Variants in CLNK observed in about 807,000 individuals in gnomAD.
CLNK encodes the protein cytokine dependent hematopoietic cell linker, also known as cytokine-dependent hematopoietic cell linker.
Under a neutral mutation model 68.6 loss-of-function variants are expected in CLNK, and 74 were observed. That is an observed-to-expected ratio of 1.08 (90% CI 0.89 to 1.31). The LOEUF is 1.31. CLNK is among the 50% of genes most tolerant of loss of function. The pLI is 0.00. For synonymous variants in CLNK, 198 were observed against 172.2 expected (o/e 1.15, Z -1.17); for missense variants, 553 against 515.3 (o/e 1.07, Z -0.71).
intron 16 of CLNK, among the ~76,000 whole-genome samples, chr4:10,508,987 G>T (rs984473325): frequency 2.0e-5 from 3 of 151,460 alleles, no homozygotes; most frequent in African/African-American, 7.3e-5. Flanking sequence ...TGTGCCTATA[G>T]TCCTAGCTAC....
At chr4:10,638,750 A>T (rs1288644473) in intron 2 of CLNK, among the ~76,000 whole-genome samples, 1 of 152,202 alleles carries the variant, frequency 6.6e-6, no homozygotes, top group South Asian at 2.1e-4. Context: ...AGAGAACCAC[A>T]GACTGGGTGG....
chr4:10,723,483 A>G, the CLNK span, among the ~76,000 whole-genome samples: 8 of 152,196 alleles, frequency 5.3e-5, no homozygotes, highest in Admixed American at 3.3e-4. Context: ...ATGGATATGA[A>G]TAGGCTCTTG....
At chr4:10,595,755 G>A (rs1006530410) in intron 3 of CLNK, among the ~76,000 whole-genome samples, 6 of 152,104 alleles carry the variant, frequency 3.9e-5, no homozygotes, top group Admixed American at 3.9e-4. Flanking sequence ...TGAGCCTCTA[G>A]GGAAGTTATT....
chr4:10,661,209 T>C (rs1401434466), intron 2 of CLNK, among the ~76,000 whole-genome samples: 1 of 151,744 alleles, frequency 6.6e-6, no homozygotes, highest in Non-Finnish European at 1.5e-5. Context: ...TTACATGGAG[T>C]TTTATCATTC....
intron 10 of CLNK, among the ~76,000 whole-genome samples, chr4:10,541,595 T>C (rs957849909): frequency 7.4e-6 from 1 of 134,350 alleles, no homozygotes; most frequent in Non-Finnish European, 1.8e-5. Flanking sequence ...GTCATATATA[T>C]ATGTATATAT....
At chr4:10,527,305 C>T (rs1200083972) in intron 13 of CLNK, among the ~76,000 whole-genome samples, 3 of 152,154 alleles carry the variant, frequency 2.0e-5, no homozygotes, top group Non-Finnish European at 4.4e-5. Context: ...CATCAGGGAC[C>T]CATGGGGAAT....
chr4:10,544,739 T>C (rs1031799988), intron 8 of CLNK, among the ~76,000 whole-genome samples: 1 of 152,146 alleles, frequency 6.6e-6, no homozygotes, highest in Non-Finnish European at 1.5e-5. Flanking sequence ...ACAGAATACT[T>C]GAAATTAGGT....
chr4:10,719,684 G>T, the CLNK span, among the ~76,000 whole-genome samples: 1 of 152,076 alleles, frequency 6.6e-6, no homozygotes, highest in Non-Finnish European at 1.5e-5. Flanking sequence ...ACTATCAAGG[G>T]TATAGAAGAA....
At chr4:10,538,216 G>C (rs1718874558) in intron 11 of CLNK, among the ~76,000 whole-genome samples, 3 of 152,104 alleles carry the variant, frequency 2.0e-5, no homozygotes, top group Non-Finnish European at 4.4e-5. Flanking sequence ...TGCAACCCTT[G>C]CCTCCTAGGT....
chr4:10,503,061 C>A (rs548469493), intron 17 of CLNK, among the ~76,000 whole-genome samples: 3 of 152,284 alleles, frequency 2.0e-5, no homozygotes, highest in African/African-American at 7.2e-5. Flanking sequence ...GTGAACACAT[C>A]TACCAGGCTT....
intron 2 of CLNK, among the ~76,000 whole-genome samples, chr4:10,633,823 A>G (rs1049072771): frequency 2.6e-5 from 4 of 152,210 alleles, no homozygotes; most frequent in Admixed American, 1.3e-4. Context: ...TTCACATACA[A>G]TATTTCATTT....
intron 5 of CLNK, among the ~76,000 whole-genome samples, chr4:10,569,188 CTT>C (rs57423330): frequency 1.0e-4 from 13 of 124,340 alleles, no homozygotes; most frequent in East Asian, 2.3e-4. Flanking sequence ...CAAGACTGCC[CTT>C]TTTTTTTTTT....
chr4:10,676,085 G>T (rs1352801260), intron 1 of CLNK, among the ~76,000 whole-genome samples: 1 of 148,226 alleles, frequency 6.7e-6, no homozygotes, highest in East Asian at 1.9e-4. Context: ...GTGTCTATGT[G>T]TGTGTGTGTT....
intron 2 of CLNK, among the ~76,000 whole-genome samples, chr4:10,620,411 C>G (rs1357806671): frequency 6.6e-6 from 1 of 152,210 alleles, no homozygotes; most frequent in Non-Finnish European, 1.5e-5. Flanking sequence ...CTCACTCAGG[C>G]ACTGACTTAA....
At chr4:10,591,214 A>G (rs547313784) in intron 3 of CLNK, among the ~76,000 whole-genome samples, 5 of 152,322 alleles carry the variant, frequency 3.3e-5, no homozygotes, top group African/African-American at 1.2e-4. Context: ...GTAACGTAGG[A>G]ACACACAGCA....
chr4:10,537,638 TC>T (rs1718823326), intron 11 of CLNK, among the ~76,000 whole-genome samples: 1 of 57,532 alleles, frequency 1.7e-5, no homozygotes, highest in East Asian at 4.8e-4. Flanking sequence ...TCTTTCTTTC[TC>T]TTTCTTTCTT....
At chr4:10,686,463 CTGTT>C (rs947246560), upstream of CLNK, among the ~76,000 whole-genome samples, 1 of 151,572 alleles carries the variant, frequency 6.6e-6, no homozygotes, top group African/African-American at 2.4e-5. Context: ...ACTCATGAAT[CTGTT>C]TGTTGGCAAT....
chr4:10,653,556 G>C (rs1423692785), intron 2 of CLNK, among the ~76,000 whole-genome samples: 1 of 152,090 alleles, frequency 6.6e-6, no homozygotes, highest in African/African-American at 2.4e-5. Flanking sequence ...AAAATTAACA[G>C]TAATATAGAA....
chr4:10,643,897 T>C (rs1000795846), intron 2 of CLNK, among the ~76,000 whole-genome samples: 1 of 152,250 alleles, frequency 6.6e-6, no homozygotes, highest in African/African-American at 2.4e-5. Context: ...TACATGGAAA[T>C]TCCTTTTCTC....
Sources: allele counts gnomAD v4.1 joint callset (sites outside exome capture counted in the v4.1 genomes callset), GRCh38; gene constraint gnomAD v4.1.1; transcripts MANE v1.5; gene names NCBI Gene and HGNC (gene_info 2026-07-23, HGNC 2026-07-21).